Variants in EOGT observed in about 807,000 individuals in gnomAD.
EOGT encodes the protein EGF domain specific O-linked N-acetylglucosamine transferase.
Under a neutral mutation model 70.5 loss-of-function variants are expected in EOGT, and 55 were observed. The ratio of observed to expected loss-of-function variants is 0.78; its 90% CI spans 0.63 to 0.98. The LOEUF is 0.98. EOGT is among the 50% of genes least tolerant of loss of function. The pLI is 0.00. For missense variants in EOGT, 703 were observed against 641.9 expected (o/e 1.10, Z -1.03); for synonymous variants, 246 against 217.1 (o/e 1.13, Z -1.17).
rs1011610646 is a variant in EOGT at position 69,009,758 on chromosome 3, G to C, written c.89C>G (p.Pro30Arg). 3.1e-6 allele frequency: 5 copies of C among 1,613,888 alleles called. No homozygotes were observed. The Admixed American group carries it at 8.3e-5, about 27-fold the overall frequency. Residue 30 changes from proline (P) to arginine (R), a missense_variant, in exon 4 of 18, where the codon CCA becomes CGA. Pro to Arg is a moderately radical substitution (Grantham distance 103). Transcript: ENST00000383701. ...NEAPPNTHSI[P>R]GEPLYNYASI... ...GGCATAGTTATACAGAGGTTCGCCT[G>C]GAATGCTGTGAGTATTAGGAGGAGC...
chr3:68,987,428 G>T lies in EOGT; in HGVS notation c.1152+17C>A. 3 of 1,573,398 alleles carry T rather than the reference G, an allele frequency of 1.9e-6. No homozygotes were observed. The highest frequency in any genetic ancestry group is 2.6e-6 in the Non-Finnish European group (3 of 1,145,912). ...AATTGAATATGAAGGCATTAAAAAT[G>T]CATACCAAAAACTAACCTCATTTTG... On this transcript the variant is annotated intron_variant, in intron 14 of 17. Transcript: ENST00000383701.
intron 15 of EOGT, among the ~76,000 whole-genome samples, chr3:68,980,925 T>C (rs1229920248): frequency 6.6e-6 from 1 of 152,160 alleles, no homozygotes; most frequent in Non-Finnish European, 1.5e-5. Context: ...CTACAACATA[T>C]CCTTAAAAGC....
rs2090687191 is a variant in EOGT, at chr3:68,982,790, CT to C, written c.1214+20del. The C allele has an allele frequency of 1.9e-6, 3 of 1,580,416 alleles. No homozygotes were observed. In the East Asian group the frequency reaches 6.8e-5, roughly 36 times the overall value. Reference sequence around the variant, plus strand: ...TCCAAGCAAAAGTTGACAGTGTCTGCTGAGATTGGCTATTACTTACCTATAC... The same window carrying C: ...TCCAAGCAAAAGTTGACAGTGTCTGCGAGATTGGCTATTACTTACCTATAC... On this transcript the variant is annotated intron_variant, in intron 15 of 17. Coordinates refer to ENST00000383701, the MANE Select transcript of EOGT (RefSeq NM_001278689.2).
chr3:68,988,838 T>C (rs898567800), intron 11 of EOGT, 87 bp downstream of exon 11: 10 of 715,282 alleles, frequency 1.4e-5, no homozygotes, highest in South Asian at 4.0e-5. Context: ...TAATGGCTAA[T>C]AGGAACTCAT....
chr3:68,990,924 T>C (rs924933714), intron 10 of EOGT, among the ~76,000 whole-genome samples: 26 of 151,972 alleles, frequency 1.7e-4, no homozygotes, highest in African/African-American at 6.3e-4. Flanking sequence ...AAAAGCCTTC[T>C]TTCCATGTTC....
At chr3:68,999,014 A>C (rs1239052497) in intron 9 of EOGT, among the ~76,000 whole-genome samples, 2 of 152,192 alleles carry the variant, frequency 1.3e-5, no homozygotes, top group East Asian at 3.8e-4. Context: ...CATATAAAAG[A>C]AGTGAATGTC....
intron 9 of EOGT, among the ~76,000 whole-genome samples, chr3:69,000,527 A>G (rs1169251216): frequency 6.6e-6 from 1 of 152,180 alleles, no homozygotes; most frequent in Admixed American, 6.5e-5. Context: ...TGAATTTAAT[A>G]CTTTGTAATA....
At chr3:68,983,793 G>A (rs769131298) in intron 14 of EOGT, among the ~76,000 whole-genome samples, 13 of 152,224 alleles carry the variant, frequency 8.5e-5, no homozygotes, top group Admixed American at 3.9e-4. Flanking sequence ...GTGAAACCCC[G>A]TCTCTACTAA....
intron 2 of EOGT, among the ~76,000 whole-genome samples, 165 bp from the exon 3 acceptor site, chr3:69,012,156 C>T (rs1040134622): frequency 6.6e-6 from 1 of 152,124 alleles, no homozygotes; most frequent in African/African-American, 2.4e-5. Flanking sequence ...TTAATGAATA[C>T]CACACTGCTA....
intron 16 of EOGT, 27 bp downstream of exon 16, chr3:68,979,641 A>T: frequency 6.2e-7 from 1 of 1,609,270 alleles, no homozygotes; most frequent in Non-Finnish European, 8.5e-7. Flanking sequence ...CAGTTGCTTC[A>T]GTGTAAAACT....
At chr3:69,006,207 C>T (rs1421340626) in intron 6 of EOGT, among the ~76,000 whole-genome samples, 1 of 152,144 alleles carries the variant, frequency 6.6e-6, no homozygotes, top group Non-Finnish European at 1.5e-5. Flanking sequence ...TATTATCTTG[C>T]CCTTTCCATG....
chr3:68,982,304 G>A (rs1272359994), intron 15 of EOGT, among the ~76,000 whole-genome samples: 1 of 152,140 alleles, frequency 6.6e-6, no homozygotes, highest in Non-Finnish European at 1.5e-5. Flanking sequence ...CAGATCACTT[G>A]AGGTCACGAC....
intron 3 of EOGT, 76 bp from the exon 4 acceptor site, chr3:69,009,936 A>AAC (rs35412660): frequency 5.8e-4 from 321 of 551,164 alleles, no homozygotes; most frequent in South Asian, 2.8e-3. Context: ...ACAACAACAA[A>AAC]AAAAAAAAAA....
At chr3:68,981,581 A>G (rs181639691) in intron 15 of EOGT, among the ~76,000 whole-genome samples, 52 of 152,324 alleles carry the variant, frequency 3.4e-4, no homozygotes, top group African/African-American at 1.2e-3. Flanking sequence ...AACATGTACT[A>G]CTTTTACCAG....
At chr3:69,002,058 C>T (rs1575765647) in intron 8 of EOGT, among the ~76,000 whole-genome samples, 1 of 152,106 alleles carries the variant, frequency 6.6e-6, no homozygotes, top group African/African-American at 2.4e-5. Flanking sequence ...GGCGTAGTGG[C>T]GAGCGCCTTT....
Position 69,009,807 on chromosome 3 carries a change from C to A in EOGT, c.40G>T (p.Val14Phe). 6.2e-7 allele frequency: 1 copy of A among 1,613,802 alleles called. No individual in the cohort carries two copies. The highest frequency in any genetic ancestry group is 1.1e-5 in the South Asian group (1 of 91,066). ...LFVFGVLLHE[V>F]SLSGQNEAPP... ...GCTTCATTCTGACCACTCAGTGAGA[C>A]TTCATGAAGTAAGACTCCAAAGACA... The change falls in exon 4 of 18, where the codon GTC becomes TTC. Residue 14 changes from valine (V) to phenylalanine (F), a missense_variant. Transcript: ENST00000383701.
At chr3:68,978,293 T>A in intron 17 of EOGT, 40 bp downstream of exon 17, 1 of 1,463,612 alleles carries the variant, frequency 6.8e-7, no homozygotes, top group Non-Finnish European at 9.5e-7. Flanking sequence ...TTTAAACCAA[T>A]TAAAAATGAA....
chr3:69,001,457 T>C (rs1183956592), intron 9 of EOGT, 151 bp downstream of exon 9: 4 of 553,274 alleles, frequency 7.2e-6, no homozygotes, highest in Non-Finnish European at 1.3e-5. Flanking sequence ...TTCAAATTAG[T>C]TCAACTACTT....
intron 10 of EOGT, among the ~76,000 whole-genome samples, chr3:68,997,373 T>G (rs1204070816): frequency 6.8e-6 from 1 of 146,906 alleles, no homozygotes; most frequent in Non-Finnish European, 1.5e-5. Context: ...ATGACAGCCT[T>G]TTTTTTTTTT....
Sources: allele counts gnomAD v4.1 joint callset (sites outside exome capture counted in the v4.1 genomes callset), GRCh38; gene constraint gnomAD v4.1.1; transcripts MANE v1.5; gene names NCBI Gene and HGNC (gene_info 2026-07-23, HGNC 2026-07-21).